Variants in RAB11FIP2 observed in about 807,000 individuals in gnomAD.
The protein encoded by RAB11FIP2 is rab11 family-interacting protein 2.
In RAB11FIP2, 16 loss-of-function variants were observed where a neutral mutation model predicts 40.9. That is an observed-to-expected ratio of 0.39 (90% CI 0.26 to 0.59). The LOEUF (loss-of-function observed/expected upper bound fraction) is 0.59, where lower values mean the gene tolerates loss of function less well. Ranked by LOEUF, RAB11FIP2 falls within the 20% of genes least tolerant of loss-of-function variation. RAB11FIP2 has a pLI of 0.53. For synonymous variants in RAB11FIP2, 228 were observed against 213.7 expected (o/e 1.07, Z -0.58); for missense variants, 532 against 606.2 (o/e 0.88, Z 1.28).
chr10:118,007,048 C>A lies in RAB11FIP2; in HGVS notation c.*1950G>T, dbSNP rs1846098293. 1 of 151,816 alleles carries A rather than the reference C, an allele frequency of 6.6e-6. No individual in the cohort carries two copies. The highest frequency in any genetic ancestry group is 1.5e-5 in the Non-Finnish European group (1 of 67,800). The allele number at this position is 151,816 out of a possible 1,614,324, so 9.4% of individuals were successfully genotyped here. On this transcript the variant is annotated 3_prime_UTR_variant, in exon 5 of 5. Coordinates refer to ENST00000355624, the MANE Select transcript of RAB11FIP2 (RefSeq NM_014904.3). Reference sequence around the variant, plus strand: ...AGTATCTGCAGATACTGTCATAATACTGAAAACATAGATTTTCACATTTTA... The same window carrying A: ...AGTATCTGCAGATACTGTCATAATAATGAAAACATAGATTTTCACATTTTA...
chr10:118,040,611 A>T (rs1458464665), intron 1 of RAB11FIP2, 46 bp from the exon 2 acceptor site: 1 of 1,346,914 alleles, frequency 7.4e-7, no homozygotes, highest in Non-Finnish European at 1.0e-6. Flanking sequence ...TAATAGAGAG[A>T]GGATACTGAG....
At chr10:118,044,908 A>G (rs1846606978) in intron 1 of RAB11FIP2, among the ~76,000 whole-genome samples, 1 of 152,186 alleles carries the variant, frequency 6.6e-6, no homozygotes, top group Non-Finnish European at 1.5e-5. Flanking sequence ...AATTTCATTA[A>G]TATAATGTCC....
In RAB11FIP2 at chr10:118,015,225, A is replaced by G. The variant is rs1195914557; in HGVS notation, c.1266-115T>C. ...AAATTTCTAAAGCCCTACATTATTC[A>G]GAGGAGTGAAATTTAATCCAAGAAG... On this transcript the variant is annotated intron_variant, in intron 3 of 4. Coordinates refer to ENST00000355624, the MANE Select transcript of RAB11FIP2 (RefSeq NM_014904.3). 7.4e-6 allele frequency: 5 copies of G among 672,500 alleles called. No homozygotes were observed. The African/African-American group carries it at 9.4e-5, about 13-fold the overall frequency. The allele number at this position is 672,500 out of a possible 1,614,324, so 41.7% of individuals were successfully genotyped here.
At chr10:118,011,373 A>C (rs1589636541) in intron 4 of RAB11FIP2, among the ~76,000 whole-genome samples, 1 of 151,856 alleles carries the variant, frequency 6.6e-6, no homozygotes, top group East Asian at 1.9e-4. Context: ...TTAATCTTTT[A>C]TAAGTCTACA....
chr10:118,038,402 A>G (rs1405343224), intron 3 of RAB11FIP2, among the ~76,000 whole-genome samples: 1 of 152,060 alleles, frequency 6.6e-6, no homozygotes, highest in Non-Finnish European at 1.5e-5. Context: ...TCTGACTATA[A>G]ATCATCATAT....
Position 118,045,962 on chromosome 10 carries a change from G to C in RAB11FIP2, c.202C>G (p.Leu68Val), listed in dbSNP as rs1444232068. Reference sequence around the variant, plus strand: ...CTTCCCTGAATTAGCAATCCAGGTAGCTCGAAAGAGGCCTCCTCCTTCCAA... The same window carrying C: ...CTTCCCTGAATTAGCAATCCAGGTACCTCGAAAGAGGCCTCCTCCTTCCAA... ...PVWKEEASFE[L>V]PGLLIQGSPE... is the part of the protein sequence containing the mutation. The change falls in exon 1 of 5, where the codon CTA (leucine) becomes GTA (valine). Residue 68 changes from leucine to valine, a missense_variant. Coordinates refer to ENST00000355624, the MANE Select transcript of RAB11FIP2 (RefSeq NM_014904.3). The C allele has an allele frequency of 5.6e-6, 9 of 1,614,202 alleles. No homozygotes were observed. The highest frequency in any genetic ancestry group is 7.6e-6 in the Non-Finnish European group (9 of 1,180,032).
chr10:118,005,941 A>G lies in RAB11FIP2; in HGVS notation c.*3057T>C, dbSNP rs1846086030. The G allele has an allele frequency of 6.6e-6, 1 of 152,610 alleles. No individual in the cohort carries two copies. The highest frequency in any genetic ancestry group is 1.5e-5 in the Non-Finnish European group (1 of 68,016). The allele number at this position is 152,610 out of a possible 1,614,324, so 9.5% of individuals were successfully genotyped here. On this transcript the variant is annotated 3_prime_UTR_variant, in exon 5 of 5. Coordinates refer to ENST00000355624, the MANE Select transcript of RAB11FIP2 (RefSeq NM_014904.3). ...TTTAAATACAAGGCAACATTTTCAC[A>G]GCTGGAAAATTACAACTAAATCTTG...
chr10:118,021,121 A>G (rs1399358196), intron 3 of RAB11FIP2, among the ~76,000 whole-genome samples: 1 of 152,134 alleles, frequency 6.6e-6, no homozygotes, highest in Non-Finnish European at 1.5e-5. Flanking sequence ...ATTTAACAAT[A>G]TGCTTTTCCA....
chr10:118,030,383 CTT>C (rs1431259210), intron 3 of RAB11FIP2, among the ~76,000 whole-genome samples: 1 of 152,112 alleles, frequency 6.6e-6, no homozygotes. Context: ...AACTTGTTCT[CTT>C]TAAGTATTGG....
At position 118,009,060 on chromosome 10, in the gene RAB11FIP2, G is replaced by A; in HGVS notation, c.1477C>T (p.Pro493Ser). 6.8e-6 allele frequency: 11 copies of A among 1,613,530 alleles called. No individual in the cohort carries two copies. Among genetic ancestry groups the A allele is most frequent in the Non-Finnish European group, 9.3e-6 (11 of 1,179,602 alleles). The stretch of plus-strand genomic sequence containing the variant: ...TCATACGGCACTCTGAGAATACTGG[G>A]CGTTTCTTCCATTACCCTTACAAGG... ...NLLVRVMEET[P>S]SILRVPYEPS... The change falls in exon 5 of 5, where the codon CCC becomes TCC. Residue 493 changes from proline to serine, a missense_variant. Coordinates refer to ENST00000355624, the MANE Select transcript of RAB11FIP2 (RefSeq NM_014904.3).
Position 118,008,955 on chromosome 10 carries a change from T to C in RAB11FIP2, c.*43A>G. On this transcript the variant is annotated 3_prime_UTR_variant, in exon 5 of 5. Coordinates refer to ENST00000355624, the MANE Select transcript of RAB11FIP2 (RefSeq NM_014904.3). ...GTTTTTCCTTCCTTCCTTCTTTCTT[T>C]CTCTCTCTTTGTCCAATTATCAATA... The C allele has an allele frequency of 6.7e-7, 1 of 1,481,674 alleles. No homozygotes were observed. 91.8% of individuals were successfully genotyped at this position (1,481,674 alleles called of 1,614,324 possible).
chr10:118,008,851 T>A lies in RAB11FIP2; in HGVS notation c.*147A>T. On this transcript the variant is annotated 3_prime_UTR_variant, in exon 5 of 5. Transcript: ENST00000355624. ...GGTCACTCTTGATAGTCCCTGCTAA[T>A]ATTTACAGGTAAAACTACTCTTCAC... 3.0e-6 allele frequency: 2 copies of A among 659,310 alleles called. No homozygotes were observed. The highest frequency in any genetic ancestry group is 5.2e-6 in the Non-Finnish European group (2 of 384,900). 40.8% of individuals were successfully genotyped at this position (659,310 alleles called of 1,614,324 possible). A position where few individuals can be genotyped will look rare whatever the true frequency, so the allele number is the denominator to read the frequency against.
intron 4 of RAB11FIP2, 83 bp downstream of exon 4, chr10:118,014,982 G>C: frequency 1.6e-6 from 2 of 1,224,528 alleles, no homozygotes; most frequent in South Asian, 1.4e-5. Flanking sequence ...AAGGCAAGAA[G>C]ACAAAGGCAT....
intron 3 of RAB11FIP2, among the ~76,000 whole-genome samples, chr10:118,030,436 G>A (rs545724271): frequency 5.9e-5 from 9 of 152,162 alleles, no homozygotes; most frequent in African/African-American, 7.2e-5. Flanking sequence ...CTAAGAGCTC[G>A]TTAATTACCT....
intron 1 of RAB11FIP2, among the ~76,000 whole-genome samples, chr10:118,043,721 C>A (rs1444169420): frequency 1.3e-5 from 2 of 152,244 alleles, no homozygotes; most frequent in East Asian, 3.9e-4. Context: ...AGCTGGTAGT[C>A]CTCATCACTC....
At chr10:118,018,813 T>C (rs1057190551) in intron 3 of RAB11FIP2, among the ~76,000 whole-genome samples, 2 of 152,220 alleles carry the variant, frequency 1.3e-5, no homozygotes, top group Non-Finnish European at 2.9e-5. Flanking sequence ...ACCTTCCATA[T>C]ATCGGCCAGA....
At chr10:118,031,195 C>T (rs1413323098) in intron 3 of RAB11FIP2, among the ~76,000 whole-genome samples, 1 of 152,050 alleles carries the variant, frequency 6.6e-6, no homozygotes, top group Non-Finnish European at 1.5e-5. Flanking sequence ...TAAAACAAAT[C>T]CTTTGCATAT....
rs1306260203 is a variant in RAB11FIP2 at position 118,046,044 on chromosome 10, A to C, written c.120T>G (p.Ile40Met). 2 of 1,614,110 alleles carry C rather than the reference A, an allele frequency of 1.2e-6. No homozygotes were observed. Among genetic ancestry groups the C allele is most frequent in the South Asian group, 2.2e-5 (2 of 91,084 alleles). Residue 40 changes from isoleucine to methionine, a missense_variant, in exon 1 of 5, where the codon ATT (isoleucine) becomes ATG (methionine). Coordinates refer to ENST00000355624, the MANE Select transcript of RAB11FIP2 (RefSeq NM_014904.3). ...KSGTNDTYTI[I>M]QLGKEKYSTS... The stretch of plus-strand genomic sequence containing the variant: ...TGGAGTACTTTTCCTTGCCCAGCTG[A>C]ATTATAGTGTATGTGTCATTGGTAC...
intron 3 of RAB11FIP2, among the ~76,000 whole-genome samples, chr10:118,032,633 T>A (rs1488926836): frequency 6.6e-6 from 1 of 152,158 alleles, no homozygotes; most frequent in African/African-American, 2.4e-5. Flanking sequence ...AATAAAGTAG[T>A]CCCATCCCCT....
Sources: gnomAD v4.1 joint callset for allele counts (sites outside exome capture counted in the v4.1 genomes callset) on GRCh38, gnomAD v4.1.1 for gene constraint, MANE v1.5 for transcripts, NCBI Gene and HGNC (gene_info 2026-07-23, HGNC 2026-07-21) for gene names.